CUL2: variants seen among roughly 807,000 people sequenced by gnomAD.
The protein encoded by CUL2 is cullin-2.
Under a neutral mutation model 110.2 loss-of-function variants are expected in CUL2, and 22 were observed. The ratio of observed to expected loss-of-function variants is 0.20; its 90% CI spans 0.14 to 0.28. The LOEUF (loss-of-function observed/expected upper bound fraction) is 0.28, where lower values mean the gene tolerates loss of function less well. CUL2 is among the 10% of genes least tolerant of loss of function. CUL2 has a pLI of 1.00. For synonymous variants in CUL2, 279 were observed against 293.2 expected (o/e 0.95, Z 0.49); for missense variants, 631 against 905.5 (o/e 0.70, Z 3.89).
chr10:35,056,200 A>G (rs1355812058), intron 4 of CUL2, among the ~76,000 whole-genome samples: 1 of 152,240 alleles, frequency 6.6e-6, no homozygotes, highest in South Asian at 2.1e-4. Flanking sequence ...AGTGGCAGGC[A>G]AAAGTCAAGT....
At chr10:35,084,241 C>A (rs1256539878) in intron 1 of CUL2, among the ~76,000 whole-genome samples, 4 of 152,184 alleles carry the variant, frequency 2.6e-5, no homozygotes, top group African/African-American at 9.7e-5. Context: ...CGCGCCACTG[C>A]ACTACAGCTT....
At chr10:35,076,648 T>C (rs1241993312) in intron 1 of CUL2, among the ~76,000 whole-genome samples, 2 of 152,202 alleles carry the variant, frequency 1.3e-5, no homozygotes, top group Admixed American at 1.3e-4. Context: ...TATACATATA[T>C]GTGATTTGTT....
intron 2 of CUL2, among the ~76,000 whole-genome samples, chr10:35,096,045 T>G (rs1387086294): frequency 6.6e-6 from 1 of 151,232 alleles, no homozygotes; most frequent in Non-Finnish European, 1.5e-5. Flanking sequence ...GCCAGGACCT[T>G]GAGACCAGCC....
chr10:35,042,450 A>T (rs1330815549), intron 8 of CUL2, among the ~76,000 whole-genome samples: 5 of 152,068 alleles, frequency 3.3e-5, no homozygotes, highest in Admixed American at 1.3e-4. Context: ...TATAATGTTG[A>T]GTGTGTTAGG....
Position 35,031,699 on chromosome 10 carries a change from C to T in CUL2, c.1171-80G>A. 1 of 1,485,214 alleles carries T rather than the reference C, an allele frequency of 6.7e-7. No individual in the cohort carries two copies. Among genetic ancestry groups the T allele is most frequent in the Non-Finnish European group, 9.3e-7 (1 of 1,080,076 alleles). 92.0% of individuals were successfully genotyped at this position (1,485,214 alleles called of 1,614,324 possible). ...CCTCAAAGGAGGCAAAGTGGTGATA[C>T]AAGGTAAGATCAGCGGACAGAATTT... On this transcript the variant is annotated intron_variant, in intron 12 of 20. Coordinates refer to ENST00000374749, the MANE Select transcript of CUL2 (RefSeq NM_003591.4). The surrounding 1 kb of genome is among the most constrained non-coding windows in gnomAD (Gnocchi z 4.4).
chr10:35,101,984 G>A (rs984791060), intron 1 of CUL2, among the ~76,000 whole-genome samples: 1 of 152,176 alleles, frequency 6.6e-6, no homozygotes, highest in Non-Finnish European at 1.5e-5. Flanking sequence ...AAAATGCTGG[G>A]ATTACAGGTG....
intron 4 of CUL2, among the ~76,000 whole-genome samples, chr10:35,058,355 G>A (rs1489149223): frequency 6.6e-6 from 1 of 152,064 alleles, no homozygotes; most frequent in African/African-American, 2.4e-5. Flanking sequence ...CCGTGGTAAG[G>A]CAAAAAGCCT....
chr10:35,103,327 T>TA (rs1232044974), intron 1 of CUL2, among the ~76,000 whole-genome samples: 14 of 121,438 alleles, frequency 1.2e-4, no homozygotes, highest in East Asian at 4.8e-4. Context: ...TTTTTTTTTT[T>TA]TTTTTATTTT....
intron 4 of CUL2, among the ~76,000 whole-genome samples, chr10:35,056,278 C>T (rs1183324893): frequency 2.0e-5 from 3 of 152,130 alleles, no homozygotes; most frequent in African/African-American, 7.2e-5. Context: ...CAAAAGCTAA[C>T]AGTAGAACAC....
chr10:35,111,343 C>G (rs770090263), intron 1 of CUL2, among the ~76,000 whole-genome samples: 3 of 151,978 alleles, frequency 2.0e-5, no homozygotes, highest in Non-Finnish European at 2.9e-5. Context: ...CCTCAAACTC[C>G]TGGCCTCAAG....
intron 2 of CUL2, among the ~76,000 whole-genome samples, chr10:35,067,830 G>A (rs1282969891): frequency 6.6e-6 from 1 of 152,020 alleles, no homozygotes; most frequent in Non-Finnish European, 1.5e-5. Context: ...CAAAAGGGCC[G>A]GACGTGGTGG....
chr10:35,094,551 G>A (rs150136431), upstream of CUL2, among the ~76,000 whole-genome samples: 11 of 152,222 alleles, frequency 7.2e-5, no homozygotes, highest in African/African-American at 9.6e-5. Flanking sequence ...ATTTTTAAGC[G>A]TGTAAAGAAA....
In CUL2 at chr10:35,035,239, A is replaced by T; in HGVS notation, c.935T>A (p.Ile312Asn). The part of the protein sequence containing the change: ...RAVSTGLPHM[I>N]QELQNHIHDE... Reference sequence around the variant, plus strand: ...ATGGATGTGGTTTTGCAGCTCCTGAATCATATGAGGTAAACCAGTGGACAC... The same window carrying T: ...ATGGATGTGGTTTTGCAGCTCCTGATTCATATGAGGTAAACCAGTGGACAC... The change falls in exon 10 of 21, where the codon ATT becomes AAT. Residue 312 changes from isoleucine (I) to asparagine (N), a missense_variant. By Grantham distance (149) the Ile-to-Asn change is moderately radical. Coordinates refer to ENST00000374749, the MANE Select transcript of CUL2 (RefSeq NM_003591.4). 1 of 1,614,146 alleles carries T rather than the reference A, an allele frequency of 6.2e-7. No homozygotes were observed. The highest frequency in any genetic ancestry group is 2.2e-5 in the East Asian group (1 of 44,886).
chr10:35,016,292 T>C lies in CUL2; in HGVS notation c.1787A>G (p.Tyr596Cys). ...CTGAGTGCTGTCCTGAAGCTCTTTA[T>C]AACTGACAGTTTCACTGTTGTTAAA... ...LAFNNSETVS[Y>C]KELQDSTQMN... The change falls in exon 18 of 21, where the codon TAT becomes TGT. Residue 596 changes from tyrosine (Y) to cysteine (C), a missense_variant. This residue lies in a region of CUL2 where 159 missense variants were observed against 202.7 expected (regional missense o/e 0.78). Transcript: ENST00000374749. 6.2e-7 allele frequency: 1 copy of C among 1,614,112 alleles called. No homozygotes were observed. Among genetic ancestry groups the C allele is most frequent in the East Asian group, 2.2e-5 (1 of 44,862 alleles).
At chr10:35,050,322 CA>C (rs71523355) in intron 5 of CUL2, among the ~76,000 whole-genome samples, 175 of 90,996 alleles carry the variant, frequency 1.9e-3, no homozygotes, top group South Asian at 7.0e-3. Flanking sequence ...GACTCCGTCT[CA>C]AAAAAAAAAA....
chr10:35,084,803 C>G (rs1043014159), intron 1 of CUL2, among the ~76,000 whole-genome samples: 1 of 152,088 alleles, frequency 6.6e-6, no homozygotes, highest in African/African-American at 2.4e-5. Flanking sequence ...TAGGGCTGAT[C>G]CTGTCATCAA....
chr10:35,057,398 T>C (rs1050658759), intron 4 of CUL2, among the ~76,000 whole-genome samples: 1 of 152,202 alleles, frequency 6.6e-6, no homozygotes, highest in Admixed American at 6.5e-5. Context: ...GGCTCATGTC[T>C]GTAATCCTGG....
At chr10:35,047,593 G>A (rs564792927) in intron 6 of CUL2, among the ~76,000 whole-genome samples, 1 of 142,854 alleles carries the variant, frequency 7.0e-6, no homozygotes, top group African/African-American at 2.6e-5. Flanking sequence ...CTGGGCAACA[G>A]AGCAAGACTG....
rs201741060 is a variant in CUL2, at chr10:35,035,215, T to C, written c.959A>G (p.His320Arg). ...GCTGGTTGCTCGAAGGCCCTCATCA[T>C]GGATGTGGTTTTGCAGCTCCTGAAT... ...HMIQELQNHI[H>R]DEGLRATSNL... is the part of the protein sequence containing the mutation. Residue 320 changes from histidine (H) to arginine (R), a missense_variant, in exon 10 of 21, where the codon CAT becomes CGT. Transcript: ENST00000374749. 1.1e-4 allele frequency: 173 copies of C among 1,614,230 alleles called. 1 individual carries two copies. The highest frequency in any genetic ancestry group is 8.5e-4 in the Admixed American group (51 of 60,030).
Sources: allele counts gnomAD v4.1 joint callset (sites outside exome capture counted in the v4.1 genomes callset), GRCh38; gene constraint gnomAD v4.1.1; regional missense constraint gnomAD v4.1.1; non-coding constraint Gnocchi (gnomAD v3.1); transcripts MANE v1.5; gene names NCBI Gene and HGNC (gene_info 2026-07-23, HGNC 2026-07-21).